The following TIAM1 variants were observed in gnomAD, a reference collection of about 807,000 sequenced individuals.
The protein encoded by TIAM1 is TIAM Rac1 associated GEF 1.
A neutral mutation model predicts 163.5 loss-of-function variants in TIAM1; 65 were observed. The ratio of observed to expected loss-of-function variants is 0.40; its 90% CI spans 0.33 to 0.49. TIAM1 has a LOEUF of 0.49. Ranked by LOEUF, TIAM1 falls within the 20% of genes least tolerant of loss-of-function variation. TIAM1 has a pLI of 0.77. For synonymous variants in TIAM1, 833 were observed against 810.1 expected (o/e 1.03, Z -0.48); for missense variants, 1,789 against 2,044.7 (o/e 0.87, Z 2.41).
intron 2 of TIAM1, among the ~76,000 whole-genome samples, chr21:31,319,854 T>C (rs116078198): frequency 0.011 from 1,623 of 152,170 alleles, 32 homozygotes; most frequent in African/African-American, 0.037. Context: ...ATGGTTTTGA[T>C]TTGCAATCCC....
At chr21:31,321,276 AC>A (rs2075303138) in intron 2 of TIAM1, among the ~76,000 whole-genome samples, 1 of 152,166 alleles carries the variant, frequency 6.6e-6, no homozygotes, top group Admixed American at 6.5e-5. Flanking sequence ...AGGCTCCTCC[AC>A]ATAATCTGAG....
At chr21:31,165,477 C>CT (rs2084164930) in intron 15 of TIAM1, among the ~76,000 whole-genome samples, 1 of 152,028 alleles carries the variant, frequency 6.6e-6, no homozygotes, top group African/African-American at 2.4e-5. Context: ...CGTTTTCTCT[C>CT]TACCATGTAA....
intron 2 of TIAM1, among the ~76,000 whole-genome samples, chr21:31,418,890 A>G (rs1457623936): frequency 6.6e-6 from 1 of 152,188 alleles, no homozygotes; most frequent in Non-Finnish European, 1.5e-5. Context: ...GTTGAAGGAA[A>G]GAAAAAGGAG....
At chr21:31,445,845 T>C (rs1371646139) in intron 2 of TIAM1, among the ~76,000 whole-genome samples, 2 of 152,188 alleles carry the variant, frequency 1.3e-5, no homozygotes, top group Non-Finnish European at 2.9e-5. Context: ...GATTGGGGTT[T>C]TGTTGGTTGT....
At chr21:31,274,316 C>T (rs1219680494) in intron 3 of TIAM1, among the ~76,000 whole-genome samples, 1 of 152,094 alleles carries the variant, frequency 6.6e-6, no homozygotes, top group Non-Finnish European at 1.5e-5. Context: ...TTTTAAACCA[C>T]CTGTACTGCA....
At chr21:31,122,804 T>C (rs1161720655) in intron 27 of TIAM1, among the ~76,000 whole-genome samples, 2 of 152,220 alleles carry the variant, frequency 1.3e-5, no homozygotes, top group South Asian at 2.1e-4. Flanking sequence ...GTTCCTAGTA[T>C]GCTTAAGAAC....
At chr21:31,232,649 G>T (rs1308118893) in intron 6 of TIAM1, among the ~76,000 whole-genome samples, 1 of 152,116 alleles carries the variant, frequency 6.6e-6, no homozygotes, top group Admixed American at 6.6e-5. Context: ...TTTAAATTCT[G>T]ACATGCTAGA....
At chr21:31,524,519 G>A (rs2047715197) in intron 1 of TIAM1, among the ~76,000 whole-genome samples, 1 of 152,112 alleles carries the variant, frequency 6.6e-6, no homozygotes, top group Non-Finnish European at 1.5e-5. Flanking sequence ...CCCAGAACCT[G>A]GACTCAAAAG....
intron 10 of TIAM1, among the ~76,000 whole-genome samples, chr21:31,210,615 G>GAGAAAGAAAGAAAGAAAGAA (rs776429877): frequency 3.6e-5 from 1 of 27,474 alleles, no homozygotes; most frequent in Non-Finnish European, 7.2e-5. Context: ...GGAAGGAAGG[G>GAGAAAGAAAGAAAGAAAGAA]AGAAAGAAAG....
intron 8 of TIAM1, among the ~76,000 whole-genome samples, chr21:31,218,967 C>CAA (rs2087381950): frequency 7.2e-6 from 1 of 139,406 alleles, no homozygotes; most frequent in Non-Finnish European, 1.5e-5. Context: ...TTTTGTTGAA[C>CAA]AAAAGCTAAA....
chr21:31,553,325 T>C (rs1375870177), intron 1 of TIAM1, among the ~76,000 whole-genome samples: 1 of 152,178 alleles, frequency 6.6e-6, no homozygotes, highest in Non-Finnish European at 1.5e-5. Flanking sequence ...CTCCAAATTA[T>C]CACTTTCCAA....
At chr21:31,418,429 C>G (rs1037762436) in intron 2 of TIAM1, among the ~76,000 whole-genome samples, 2 of 151,454 alleles carry the variant, frequency 1.3e-5, no homozygotes, top group Non-Finnish European at 2.9e-5. Context: ...AAAGCAGCAT[C>G]CAAATGCAAA....
At chr21:31,282,154 T>C (rs535683946) in intron 2 of TIAM1, among the ~76,000 whole-genome samples, 2 of 152,222 alleles carry the variant, frequency 1.3e-5, no homozygotes, top group Admixed American at 6.5e-5. Flanking sequence ...TTTCACAATG[T>C]CCAAATCGAT....
At chr21:31,178,811 G>A (rs759579654) in intron 15 of TIAM1, among the ~76,000 whole-genome samples, 17 of 151,800 alleles carry the variant, frequency 1.1e-4, no homozygotes, top group Non-Finnish European at 2.5e-4. Flanking sequence ...GAGTGCAATG[G>A]CACAATCTTG....
At chr21:31,504,653 T>C (rs1316023222) in intron 1 of TIAM1, among the ~76,000 whole-genome samples, 1 of 152,226 alleles carries the variant, frequency 6.6e-6, no homozygotes, top group Non-Finnish European at 1.5e-5. Flanking sequence ...TGTCTCTGAC[T>C]GCACCAGGGG....
chr21:31,258,557 C>T (rs1303362598), intron 4 of TIAM1, among the ~76,000 whole-genome samples: 2 of 152,164 alleles, frequency 1.3e-5, no homozygotes, highest in Non-Finnish European at 2.9e-5. Context: ...TTAGGCTGGA[C>T]GCAGTGGCTC....
At position 31,467,622 on chromosome 21, in the gene TIAM1, T is replaced by C. The variant is rs1157852192; in HGVS notation, c.-421-3587A>G. Among the ~76,000 whole-genome samples the C allele has an allele frequency of 6.1e-5, 9 of 146,518 alleles. No homozygotes were observed. The East Asian group carries it at 1.8e-3, about 29-fold the overall frequency. ...GCTTGGGCAACAAAGTGAGGCTCCA[T>C]CTCAAAAAAAAAAAGAATAAATAAA... On this transcript the variant is annotated intron_variant, in intron 1 of 28. Transcript: ENST00000286827.
chr21:31,166,306 A>C (rs1352346982), intron 15 of TIAM1, among the ~76,000 whole-genome samples: 1 of 152,220 alleles, frequency 6.6e-6, no homozygotes, highest in Non-Finnish European at 1.5e-5. Context: ...TATCAATATA[A>C]CCAGACAAGA....
rs200030849 is a variant in TIAM1, at chr21:31,290,646, CAAAAAAAAAAAAAAA to C, written c.-188-13753_-188-13739del. Among the ~76,000 whole-genome samples, 289 of 63,216 alleles carry C rather than the reference CAAAAAAAAAAAAAAA, an allele frequency of 4.6e-3. 2 individuals carry two copies. Among genetic ancestry groups the C allele is most frequent in the Middle Eastern group, 0.016 (2 of 122 alleles). 41.5% of individuals were successfully genotyped at this position (63,216 alleles called of 152,430 possible). Reference sequence around the variant, plus strand: ...CCGGTAACAGAGCAAGACTCTATCTCAAAAAAAAAAAAAAAAAAAAAAAAAAAAAAAATTAGCAAC... The same window carrying C: ...CCGGTAACAGAGCAAGACTCTATCTCAAAAAAAAAAAAAAAAATTAGCAAC... On this transcript the variant is annotated intron_variant, in intron 2 of 27. Transcript: ENST00000541036.
Sources: gnomAD v4.1 joint callset for allele counts (sites outside exome capture counted in the v4.1 genomes callset) on GRCh38, gnomAD v4.1.1 for gene constraint, MANE v1.5 for transcripts, NCBI Gene and HGNC (gene_info 2026-07-23, HGNC 2026-07-21) for gene names.